Variants in EVA1C observed in about 807,000 individuals in gnomAD.
The protein encoded by EVA1C is protein eva-1 homolog C.
EVA1C carries 25 observed loss-of-function variants against 45.4 expected under a neutral mutation model. That is an observed-to-expected ratio of 0.55 (90% CI 0.40 to 0.77). EVA1C has a LOEUF of 0.77. Among genes scored for constraint, EVA1C ranks in the 30% least tolerant of loss-of-function variants. The probability of loss-of-function intolerance (pLI) is 0.00; values close to 1 mark genes in which losing one functional copy is unlikely to be tolerated. For synonymous variants in EVA1C, 190 were observed against 221.2 expected (o/e 0.86, Z 1.25); for missense variants, 479 against 554.8 (o/e 0.86, Z 1.37).
chr21:32,507,656 C>CTG (rs559044534), intron 7 of EVA1C, among the ~76,000 whole-genome samples: 1 of 139,564 alleles, frequency 7.2e-6, no homozygotes, highest in African/African-American at 2.7e-5. Flanking sequence ...GCAGGTGTGC[C>CTG]TGTGTGTGCA....
intron 3 of EVA1C, among the ~76,000 whole-genome samples, chr21:32,459,769 A>T (rs557871179): frequency 7.1e-6 from 1 of 141,654 alleles, no homozygotes; most frequent in East Asian, 2.3e-4. Flanking sequence ...TGAACCCAGG[A>T]GGCAGAGGTT....
intron 1 of EVA1C, among the ~76,000 whole-genome samples, chr21:32,413,676 G>C (rs1568849844): frequency 6.6e-6 from 1 of 152,212 alleles, no homozygotes; most frequent in East Asian, 1.9e-4. Context: ...CCAGGCTCTC[G>C]CAGCGGATCT....
intron 1 of EVA1C, among the ~76,000 whole-genome samples, chr21:32,437,995 C>T (rs1360836268): frequency 1.3e-5 from 2 of 152,168 alleles, no homozygotes; most frequent in Non-Finnish European, 2.9e-5. Context: ...TTCCTGTTTC[C>T]GCTCTGCGTC....
chr21:32,428,047 T>C (rs1040263922), intron 1 of EVA1C, among the ~76,000 whole-genome samples: 2 of 152,090 alleles, frequency 1.3e-5, no homozygotes, highest in African/African-American at 2.4e-5. Flanking sequence ...TTGTGTACTA[T>C]ATATTTTTAA....
In EVA1C at chr21:32,454,887, T is replaced by C. The variant is rs116248203; in HGVS notation, c.357+1379T>C. Among the ~76,000 whole-genome samples the C allele has an allele frequency of 9.3e-3, 1,418 of 152,264 alleles. 34 individuals carry two copies. The highest frequency in any genetic ancestry group is 0.033 in the African/African-American group (1,362 of 41,548). ...TGGTAGTATCTGGGTATTTAGGTGA[T>C]TGGTGAAACACACCAATTGAGTAGC... is the stretch of plus-strand genomic sequence containing the variant. On this transcript the variant is annotated intron_variant, in intron 2 of 7. Transcript: ENST00000300255.
rs2034675902 is a variant in EVA1C, at chr21:32,430,955, A to G, written c.160+17942A>G. 3.0e-5 allele frequency among the ~76,000 whole-genome samples: 3 copies of G among 101,618 alleles called. No individual in the cohort carries two copies. In the South Asian group the frequency reaches 9.9e-4, roughly 34 times the overall value. The allele number at this position is 101,618 out of a possible 152,430, so 66.7% of individuals were successfully genotyped here. A position where few individuals can be genotyped will look rare whatever the true frequency, so the allele number is the denominator to read the frequency against. ...ACCACTGCACTCCAGCCTCGGCAAC[A>G]GAGTGAGACTTGGTCTCAAAAAAAA... On this transcript the variant is annotated intron_variant, in intron 1 of 7. Coordinates refer to ENST00000300255, the MANE Select transcript of EVA1C (RefSeq NM_058187.5).
chr21:32,498,614 G>C (rs1005827047), intron 5 of EVA1C, among the ~76,000 whole-genome samples: 1 of 151,826 alleles, frequency 6.6e-6, no homozygotes, highest in Non-Finnish European at 1.5e-5. Flanking sequence ...TAGCTTGGGG[G>C]TGGTGGTTTA....
chr21:32,485,350 G>T (rs1208685586), intron 4 of EVA1C, among the ~76,000 whole-genome samples: 1 of 152,078 alleles, frequency 6.6e-6, no homozygotes. Context: ...TGTATTTTTA[G>T]TAGAGGTGAG....
upstream of EVA1C, among the ~76,000 whole-genome samples, chr21:32,411,846 G>A (rs2146077881): frequency 6.6e-6 from 1 of 152,198 alleles, no homozygotes; most frequent in East Asian, 1.9e-4. Flanking sequence ...TCGCGCACTT[G>A]TCCTCGATAC....
At chr21:32,425,170 C>CA (rs371718177) in intron 1 of EVA1C, among the ~76,000 whole-genome samples, 10 of 130,596 alleles carry the variant, frequency 7.7e-5, no homozygotes, top group Admixed American at 3.1e-4. Context: ...AACAAACAAA[C>CA]AACAACAACA....
chr21:32,445,645 TC>T (rs1276476573), intron 1 of EVA1C, among the ~76,000 whole-genome samples: 1 of 152,114 alleles, frequency 6.6e-6, no homozygotes, highest in East Asian at 1.9e-4. Context: ...AGGATGACGA[TC>T]CCAAGAAGGA....
Position 32,430,680 on chromosome 21 carries a change from C to T in EVA1C, c.160+17667C>T, listed in dbSNP as rs1461049183. Among the ~76,000 whole-genome samples the T allele has an allele frequency of 7.9e-5, 12 of 151,918 alleles. No individual in the cohort carries two copies. The South Asian group carries it at 1.2e-3, about 16-fold the overall frequency. ...TGCAGGGGAGCTCCCCTTTATAAAA[C>T]CATTAGATCAGGCAGGGCACAGTGG... On this transcript the variant is annotated intron_variant, in intron 1 of 7. Transcript: ENST00000300255.
Position 32,474,245 on chromosome 21 carries a change from C to T in EVA1C, c.634+6397C>T, listed in dbSNP as rs1051427945. Reference sequence around the variant, plus strand: ...TTATTTAAATTAAACCAGAGCACACCGCACCTCCGCTTAAAGCCCTCCACT... The same window carrying T: ...TTATTTAAATTAAACCAGAGCACACTGCACCTCCGCTTAAAGCCCTCCACT... On this transcript the variant is annotated intron_variant, in intron 4 of 7. Transcript: ENST00000300255. The surrounding 1 kb of genome is among the most constrained non-coding windows in gnomAD (Gnocchi z 4.4). 6.6e-6 allele frequency among the ~76,000 whole-genome samples: 1 copy of T among 152,158 alleles called. No individual in the cohort carries two copies. Among genetic ancestry groups the T allele is most frequent in the African/African-American group, 2.4e-5 (1 of 41,432 alleles).
rs544374704 is a variant in EVA1C at position 32,474,933 on chromosome 21, T to C, written c.634+7085T>C. ...ACCTGGGCCACAGGCTGCCAGTGCA[T>C]GTGTGATCTCTGCTCTGTGCTCCCA... On this transcript the variant is annotated intron_variant, in intron 4 of 7. Transcript: ENST00000300255. The surrounding 1 kb of genome is among the most constrained non-coding windows in gnomAD (Gnocchi z 4.4). 1.2e-4 allele frequency among the ~76,000 whole-genome samples: 19 copies of C among 152,324 alleles called. No individual in the cohort carries two copies. The highest frequency in any genetic ancestry group is 2.4e-4 in the Non-Finnish European group (16 of 68,018).
At chr21:32,470,763 T>A (rs1246546444) in intron 4 of EVA1C, among the ~76,000 whole-genome samples, 1 of 139,332 alleles carries the variant, frequency 7.2e-6, no homozygotes, top group East Asian at 2.1e-4. Context: ...TCTTTTTCTT[T>A]CTTTTTTTTT....
At chr21:32,500,190 AT>A (rs538897939) in intron 5 of EVA1C, among the ~76,000 whole-genome samples, 4,901 of 90,836 alleles carry the variant, frequency 0.054, 72 homozygotes, top group African/African-American at 0.093. Flanking sequence ...TAACCACCCT[AT>A]TTTTTTTTTT....
At chr21:32,485,633 G>T (rs567129043) in intron 4 of EVA1C, among the ~76,000 whole-genome samples, 14 of 152,284 alleles carry the variant, frequency 9.2e-5, no homozygotes, top group African/African-American at 3.4e-4. Context: ...CCATGGCCCA[G>T]ACTTGTCTTC....
intron 1 of EVA1C, among the ~76,000 whole-genome samples, chr21:32,424,311 C>T (rs1196676242): frequency 6.6e-6 from 1 of 152,084 alleles, no homozygotes; most frequent in East Asian, 1.9e-4. Flanking sequence ...CAAGAGAAAC[C>T]CAGGTCACCA....
At position 32,462,569 on chromosome 21, in the gene EVA1C, G is replaced by T. The variant is rs559079565; in HGVS notation, c.481+4849G>T. ...TTGGGAACAGGCACCCCAAAATCTG[G>T]CCATAAACTGGCCCCAAAACTGGCC... On this transcript the variant is annotated intron_variant, in intron 3 of 7. Transcript: ENST00000300255. Among the ~76,000 whole-genome samples the T allele has an allele frequency of 2.4e-4, 36 of 152,286 alleles. No individual in the cohort carries two copies. The East Asian group carries it at 6.9e-3, about 29-fold the overall frequency.
Sources: allele counts gnomAD v4.1 joint callset (sites outside exome capture counted in the v4.1 genomes callset), GRCh38; gene constraint gnomAD v4.1.1; non-coding constraint Gnocchi (gnomAD v3.1); transcripts MANE v1.5; gene names NCBI Gene and HGNC (gene_info 2026-07-23, HGNC 2026-07-21).